The following RNF213 variants were observed in gnomAD, a reference collection of about 807,000 sequenced individuals.
RNF213 encodes ring finger protein 213, also known as E3 ubiquitin-protein ligase RNF213.
RNF213 carries 341 observed loss-of-function variants against 514.4 expected under a neutral mutation model. The ratio of observed to expected loss-of-function variants is 0.66; its 90% CI spans 0.61 to 0.73. The LOEUF is 0.73. Ranked by LOEUF, RNF213 falls within the 30% of genes least tolerant of loss-of-function variation. The pLI is 0.00. For synonymous variants in RNF213, 2,655 were observed against 2,658.2 expected (o/e 1.00, Z 0.04); for missense variants, 5,767 against 6,615.6 (o/e 0.87, Z 4.45).
At chr17:80,355,100 C>T (rs974590677) in intron 36 of RNF213, 2 of 429,048 alleles carry the variant, frequency 4.7e-6, no homozygotes, top group Non-Finnish European at 9.5e-6. Context: ...GCTCTGGGCC[C>T]CAGACAGAGG....
At position 80,325,199 on chromosome 17, in the gene RNF213, GT is replaced by G; in HGVS notation, c.3193+2del. ...GTCAAGCACGTCTTCAGATTGTGTG[GT>G]ATGTTTGCGGGAGTGCTGGGAACAT... On this transcript the variant is annotated splice_donor_variant, in intron 18 of 67. Coordinates refer to ENST00000582970, the MANE Select transcript of RNF213 (RefSeq NM_001256071.3). LOFTEE classifies it high-confidence loss of function. The G allele has an allele frequency of 6.5e-7, 1 of 1,531,280 alleles. No individual in the cohort carries two copies. Among genetic ancestry groups the G allele is most frequent in the Non-Finnish European group, 8.8e-7 (1 of 1,142,380 alleles). The allele number at this position is 1,531,280 out of a possible 1,614,324, so 94.9% of individuals were successfully genotyped here.
intron 17 of RNF213, among the ~76,000 whole-genome samples, chr17:80,322,542 C>T (rs963877200): frequency 1.3e-5 from 2 of 151,898 alleles, no homozygotes; most frequent in African/African-American, 4.8e-5. Flanking sequence ...TGCCACTGCA[C>T]TCCGGCCTGG....
chr17:80,286,750 C>T (rs558116345), intron 3 of RNF213, among the ~76,000 whole-genome samples: 12 of 152,108 alleles, frequency 7.9e-5, no homozygotes, highest in Admixed American at 2.6e-4. Context: ...TCATCACACA[C>T]CACCAGGTTT....
chr17:80,334,336 G>A (rs11658902), intron 22 of RNF213, 66 bp downstream of exon 22: 896,971 of 1,463,934 alleles, frequency 0.61, 279,438 homozygotes, highest in Middle Eastern at 0.64. Flanking sequence ...ACTGTGTGGC[G>A]TTCCTAAACT....
chr17:80,267,786 T>C (rs1453360055), intron 2 of RNF213, among the ~76,000 whole-genome samples: 2 of 151,546 alleles, frequency 1.3e-5, no homozygotes, highest in Non-Finnish European at 2.9e-5. Context: ...CTAAGGTTAT[T>C]GATGGAGGTG....
Position 80,290,659 on chromosome 17 carries a change from T to C in RNF213, c.1202T>C (p.Phe401Ser), listed in dbSNP as rs1389461560. ...FPFNPDLHKV[F>S]IRGGEEFGES... ...TTCAATCCTGACCTCCATAAAGTCT[T>C]CATCAGAGGAGGAGAAGAATTTGGG... is the stretch of plus-strand genomic sequence containing the variant. Residue 401 changes from phenylalanine to serine, a missense_variant, in exon 7 of 68, where the codon TTC becomes TCC. By Grantham distance (155) the Phe-to-Ser change is radical. Transcript: ENST00000582970. 15 of 1,614,192 alleles carry C rather than the reference T, an allele frequency of 9.3e-6. No individual in the cohort carries two copies. Among genetic ancestry groups the C allele is most frequent in the Non-Finnish European group, 1.2e-5 (14 of 1,180,036 alleles).
At chr17:80,356,648 G>A (rs1446904753) in intron 36 of RNF213, among the ~76,000 whole-genome samples, 2 of 152,218 alleles carry the variant, frequency 1.3e-5, no homozygotes, top group East Asian at 1.9e-4. Context: ...CAGGCTCAGC[G>A]GCTCCAGATA....
chr17:80,260,978 G>C (rs1344662785), intron 1 of RNF213, 76 bp downstream of exon 1: 2 of 151,564 alleles, frequency 1.3e-5, no homozygotes, highest in African/African-American at 4.8e-5. Context: ...CCGGCGGGCC[G>C]GGTCCCGGGG....
chr17:80,351,916 G>A (rs112897174), intron 32 of RNF213, 113 bp downstream of exon 32: 155 of 638,418 alleles, frequency 2.4e-4, no homozygotes, highest in African/African-American at 1.9e-3. Flanking sequence ...GTGCAGTGGC[G>A]CGATCTCAGC....
rs2078275593 is a variant in RNF213, at chr17:80,345,353, G to A, written c.7018G>A (p.Val2340Ile). 1 of 1,613,982 alleles carries A rather than the reference G, an allele frequency of 6.2e-7. No individual in the cohort carries two copies. The highest frequency in any genetic ancestry group is 8.5e-7 in the Non-Finnish European group (1 of 1,180,040). ...VDAISHLTGK[V>I]IKRDVMTRDL... ...TGCCATCAGTCACTTGACTGGGAAG[G>A]TCATCAAGAGAGACGTCATGACCAG... is the stretch of plus-strand genomic sequence containing the variant. The change falls in exon 29 of 68, where the codon GTC (valine) becomes ATC (isoleucine). Residue 2340 changes from valine (V) to isoleucine (I), a missense_variant. Transcript: ENST00000582970. The surrounding 1 kb of genome is among the most constrained non-coding windows in gnomAD (Gnocchi z 6.0).
chr17:80,303,491 T>C (rs952178974), intron 11 of RNF213, among the ~76,000 whole-genome samples: 1 of 152,118 alleles, frequency 6.6e-6, no homozygotes, highest in African/African-American at 2.4e-5. Flanking sequence ...CTAAAGGCAG[T>C]GTTACGGTCT....
chr17:80,383,333 A>G lies in RNF213; in HGVS notation c.14070+263A>G, dbSNP rs192426295. Reference sequence around the variant, plus strand: ...AAGTGCAGGCAGTGTTTTTCTCTCCATTACTTTTTACAGCAGAATGTAATG... The same window carrying G: ...AAGTGCAGGCAGTGTTTTTCTCTCCGTTACTTTTTACAGCAGAATGTAATG... On this transcript the variant is annotated intron_variant, in intron 58 of 67. Transcript: ENST00000582970. 4.1e-4 allele frequency among the ~76,000 whole-genome samples: 63 copies of G among 152,308 alleles called. 1 individual carries two copies. The highest frequency in any genetic ancestry group is 1.5e-3 in the African/African-American group (62 of 41,564).
intron 29 of RNF213, among the ~76,000 whole-genome samples, chr17:80,349,227 G>A (rs571722849): frequency 2.6e-5 from 4 of 152,290 alleles, no homozygotes; most frequent in East Asian, 1.9e-4. Flanking sequence ...GATGTCCGCC[G>A]GGGACAGGTT....
intron 16 of RNF213, among the ~76,000 whole-genome samples, chr17:80,318,795 G>A (rs1030957299): frequency 1.3e-5 from 2 of 151,952 alleles, no homozygotes; most frequent in Non-Finnish European, 2.9e-5. Flanking sequence ...GGATGGTCTC[G>A]ATCTCCTGAC....
In RNF213 at chr17:80,331,986, C is replaced by CT; in HGVS notation, c.3518-17dup. ...ATGATTAGAGCTTTGACTTCTGACACTTTCTTTTCGCTTCTAAAGTGGACT... is the reference window on the plus strand; with the variant it reads ...ATGATTAGAGCTTTGACTTCTGACACTTTTCTTTTCGCTTCTAAAGTGGACT... On this transcript the variant is annotated intron_variant, in intron 20 of 67. Transcript: ENST00000582970. 4.6e-6 allele frequency: 7 copies of CT among 1,525,050 alleles called. No homozygotes were observed. Among genetic ancestry groups the CT allele is most frequent in the Non-Finnish European group, 6.1e-6 (7 of 1,138,642 alleles). The allele number at this position is 1,525,050 out of a possible 1,614,324, so 94.5% of individuals were successfully genotyped here. A position where few individuals can be genotyped will look rare whatever the true frequency, so the allele number is the denominator to read the frequency against.
chr17:80,297,306 C>T (rs887085734), intron 10 of RNF213, among the ~76,000 whole-genome samples: 6 of 151,788 alleles, frequency 4.0e-5, no homozygotes, highest in Non-Finnish European at 8.8e-5. Flanking sequence ...AAAATTTAGC[C>T]GGGCGTGGTG....
In RNF213 at chr17:80,390,216, T is replaced by C; in HGVS notation, c.15470+20T>C. On this transcript the variant is annotated intron_variant, in intron 67 of 67. Coordinates refer to ENST00000582970, the MANE Select transcript of RNF213 (RefSeq NM_001256071.3). ...GTGGAGGTATGGATTTGCACACCTA[T>C]GGGGCGGGGCAGACACAATGTTGTG... The C allele has an allele frequency of 3.1e-6, 5 of 1,611,968 alleles. No homozygotes were observed. The highest frequency in any genetic ancestry group is 4.2e-6 in the Non-Finnish European group (5 of 1,178,466).
At chr17:80,384,598 G>A (rs929104057) in intron 59 of RNF213, among the ~76,000 whole-genome samples, 1 of 152,180 alleles carries the variant, frequency 6.6e-6, no homozygotes, top group Non-Finnish European at 1.5e-5. Context: ...TGTCAATACT[G>A]TGGCCTCTCT....
intron 15 of RNF213, among the ~76,000 whole-genome samples, chr17:80,313,653 G>A (rs1427101274): frequency 6.8e-6 from 1 of 147,748 alleles, no homozygotes; most frequent in East Asian, 2.0e-4. Flanking sequence ...GGTGATGGTT[G>A]TGGAGGTGAT....
Sources: allele counts gnomAD v4.1 joint callset (sites outside exome capture counted in the v4.1 genomes callset), GRCh38; gene constraint gnomAD v4.1.1; non-coding constraint Gnocchi (gnomAD v3.1); transcripts MANE v1.5; gene names NCBI Gene and HGNC (gene_info 2026-07-23, HGNC 2026-07-21).